RMDN3: variants seen among roughly 807,000 people sequenced by gnomAD.
The protein encoded by RMDN3 is regulator of microtubule dynamics protein 3.
A neutral mutation model predicts 61.8 loss-of-function variants in RMDN3; 41 were observed. The observed-to-expected ratio is 0.66, with a 90% confidence interval of 0.52 to 0.86. The LOEUF is 0.86. RMDN3 is among the 40% of genes least tolerant of loss of function. RMDN3 has a pLI of 0.00. For synonymous variants in RMDN3, 247 were observed against 232.0 expected (o/e 1.06, Z -0.59); for missense variants, 557 against 585.3 (o/e 0.95, Z 0.50).
chr15:40,750,682 G>A (rs981191116), intron 4 of RMDN3, among the ~76,000 whole-genome samples: 41 of 152,146 alleles, frequency 2.7e-4, no homozygotes, highest in African/African-American at 9.9e-4. Context: ...CATAAAACTT[G>A]GCTGTTCTCT....
At chr15:40,749,185 G>A (rs1044562468) in intron 4 of RMDN3, among the ~76,000 whole-genome samples, 8 of 152,212 alleles carry the variant, frequency 5.3e-5, no homozygotes, top group African/African-American at 1.9e-4. Context: ...TTACAGGCCT[G>A]AGCCACCGCG....
At position 40,737,294 on chromosome 15, in the gene RMDN3, A is replaced by G. The variant is rs1261749362; in HGVS notation, c.1272T>C (p.Ile424=). ...AGTAGACAAATGAGTTTACCTTGGAAATATATACCCTTCCTGCTTTGGAAA... is the reference window on the plus strand; with the variant it reads ...AGTAGACAAATGAGTTTACCTTGGAGATATATACCCTTCCTGCTTTGGAAA... ...PGFSKAGRVY[I]SKCYRELGKN... Residue 424 remains isoleucine (I), a synonymous_variant, in exon 11 of 13, where the codon ATT becomes ATC. Transcript: ENST00000338376. 2 of 1,613,902 alleles carry G rather than the reference A, an allele frequency of 1.2e-6. No homozygotes were observed. The highest frequency in any genetic ancestry group is 2.7e-5 in the African/African-American group (2 of 74,896).
chr15:40,752,002 T>G lies in RMDN3; in HGVS notation c.364A>C (p.Ile122Leu). 1 of 1,613,690 alleles carries G rather than the reference T, an allele frequency of 6.2e-7. No homozygotes were observed. Among genetic ancestry groups the G allele is most frequent in the Non-Finnish European group, 8.5e-7 (1 of 1,179,854 alleles). Residue 122 changes from isoleucine (I) to leucine (L), a missense_variant, in exon 3 of 13, where the codon ATT (isoleucine) becomes CTT (leucine). Coordinates refer to ENST00000338376, the MANE Select transcript of RMDN3 (RefSeq NM_018145.3). ...RSSLRGLAGE[I>L]VGEVRCHMEE... ...ATTACTCACCGGACCTCCCCAACAA[T>G]CTCCCCCGCAAGCCCTCGCAGGCTG... is the stretch of plus-strand genomic sequence containing the variant.
chr15:40,745,224 C>T lies in RMDN3; in HGVS notation c.560G>A (p.Arg187Gln), dbSNP rs748966326. 8.7e-6 allele frequency: 14 copies of T among 1,613,782 alleles called. No homozygotes were observed. Among genetic ancestry groups the T allele is most frequent in the Middle Eastern group, 1.6e-4 (1 of 6,084 alleles). Residue 187 changes from arginine to glutamine, a missense_variant, in exon 5 of 13, where the codon CGG becomes CAG. Coordinates refer to ENST00000338376, the MANE Select transcript of RMDN3 (RefSeq NM_018145.3). ...GTCCTCACTTTCTTTGTCAGAGTCC[C>T]GCTCATTGTCAGACTCCGCATTGGC... ...TTANAESDNE[R>Q]DSDKESEDGE...
intron 4 of RMDN3, 106 bp downstream of exon 4, chr15:40,751,320 T>C: frequency 4.3e-6 from 6 of 1,404,514 alleles, no homozygotes; most frequent in Non-Finnish European, 5.9e-6. Flanking sequence ...CTCTTACCTG[T>C]TCCAAAAATC....
intron 4 of RMDN3, among the ~76,000 whole-genome samples, chr15:40,750,081 T>C (rs529358633): frequency 1.3e-5 from 2 of 152,270 alleles, no homozygotes; most frequent in Admixed American, 1.3e-4. Flanking sequence ...GTATTTTATT[T>C]TTCTGAGGCA....
At chr15:40,740,002 A>C in intron 7 of RMDN3, 131 bp downstream of exon 7, 8 of 685,112 alleles carry the variant, frequency 1.2e-5, no homozygotes, top group Non-Finnish European at 1.9e-5. Flanking sequence ...AGGCATGTGG[A>C]GATACAAGCC....
At chr15:40,754,358 G>A (rs1334489002) in intron 2 of RMDN3, among the ~76,000 whole-genome samples, 2 of 152,176 alleles carry the variant, frequency 1.3e-5, no homozygotes, top group Non-Finnish European at 2.9e-5. Context: ...ACGTTGGCCA[G>A]GCTGGTCTTG....
At chr15:40,737,555 G>A (rs1897106076) in intron 10 of RMDN3, 73 bp downstream of exon 10, 2 of 1,377,446 alleles carry the variant, frequency 1.5e-6, no homozygotes, top group Non-Finnish European at 1.0e-6. Flanking sequence ...CTCCCATTAA[G>A]GGTCTCAATA....
intron 4 of RMDN3, among the ~76,000 whole-genome samples, chr15:40,748,489 G>T (rs1450512720): frequency 1.3e-5 from 2 of 152,272 alleles, no homozygotes; most frequent in Non-Finnish European, 2.9e-5. Context: ...GTGTCTGGCA[G>T]CCCTGGCCTG....
Position 40,751,498 on chromosome 15 carries a change from G to A in RMDN3, c.452C>T (p.Ser151Phe). Residue 151 changes from serine to phenylalanine, a missense_variant, in exon 4 of 13, where the codon TCC becomes TTC. Physicochemically the swap from Ser to Phe is radical, Grantham distance 155 (BLOSUM62 -2). Coordinates refer to ENST00000338376, the MANE Select transcript of RMDN3 (RefSeq NM_018145.3). ...RFPFVRERSD[S>F]TGSSSVYFTA... ...GAAGTAGACAGAGCTGGAGCCAGTG[G>A]AGTCACTCCTCTCCCGGACAAACGG... The A allele has an allele frequency of 6.2e-7, 1 of 1,614,166 alleles. No homozygotes were observed. The highest frequency in any genetic ancestry group is 1.3e-5 in the African/African-American group (1 of 75,044).
At chr15:40,741,613 A>G (rs1405995177) in intron 6 of RMDN3, among the ~76,000 whole-genome samples, 7 of 87,006 alleles carry the variant, frequency 8.0e-5, no homozygotes, top group Non-Finnish European at 5.2e-5. Flanking sequence ...AGACACTGCA[A>G]CATAGGATTT....
At chr15:40,751,921 G>C in intron 3 of RMDN3, 65 bp downstream of exon 3, 1 of 1,536,260 alleles carries the variant, frequency 6.5e-7, no homozygotes, top group South Asian at 1.2e-5. Flanking sequence ...GCGAAGGCCA[G>C]AACACACCCC....
intron 3 of RMDN3, 132 bp from the exon 4 acceptor site, chr15:40,751,701 C>T: frequency 7.2e-7 from 1 of 1,385,432 alleles, no homozygotes; most frequent in Non-Finnish European, 1.0e-6. Flanking sequence ...AAGTCTCTAA[C>T]CCTCAGGAGG....
At chr15:40,740,078 G>A (rs1897217663) in intron 7 of RMDN3, 55 bp downstream of exon 7, 1 of 1,165,350 alleles carries the variant, frequency 8.6e-7, no homozygotes, top group Non-Finnish European at 1.3e-6. Context: ...AGAAAGGGCT[G>A]TCCTCTGCTT....
At chr15:40,754,840 G>T in intron 1 of RMDN3, 50 bp from the exon 2 acceptor site, 1 of 721,132 alleles carries the variant, frequency 1.4e-6, no homozygotes, top group Non-Finnish European at 2.2e-6. Flanking sequence ...GGGCGGGCGG[G>T]GGTAAGGAGA....
chr15:40,745,803 A>G (rs1323824148), intron 4 of RMDN3, among the ~76,000 whole-genome samples: 1 of 152,190 alleles, frequency 6.6e-6, no homozygotes, highest in Non-Finnish European at 1.5e-5. Context: ...TTTTTGCCTT[A>G]TCAGTCAGAG....
At chr15:40,746,516 CAAAAAA>C (rs756574720) in intron 4 of RMDN3, among the ~76,000 whole-genome samples, 1 of 85,812 alleles carries the variant, frequency 1.2e-5, no homozygotes, top group East Asian at 3.2e-4. Context: ...GACTCCGTCT[CAAAAAA>C]AAAAAAAAAA....
intron 2 of RMDN3, among the ~76,000 whole-genome samples, chr15:40,753,771 C>G (rs185791729): frequency 1.4e-4 from 22 of 152,252 alleles, no homozygotes; most frequent in Admixed American, 3.3e-4. Flanking sequence ...CTGTGACAGC[C>G]TCAGGAAAGT....
Sources: allele counts gnomAD v4.1 joint callset (sites outside exome capture counted in the v4.1 genomes callset), GRCh38; gene constraint gnomAD v4.1.1; transcripts MANE v1.5; gene names NCBI Gene and HGNC (gene_info 2026-07-23, HGNC 2026-07-21).